SLC7A10: variants seen among roughly 807,000 people sequenced by gnomAD.
SLC7A10 encodes asc-type amino acid transporter 1.
SLC7A10 carries 30 observed loss-of-function variants against 52.7 expected under a neutral mutation model. That is an observed-to-expected ratio of 0.57 (90% CI 0.43 to 0.77). SLC7A10 has a LOEUF of 0.77. Ranked by LOEUF, SLC7A10 falls within the 30% of genes least tolerant of loss-of-function variation. The probability of loss-of-function intolerance (pLI) is 0.00; values close to 1 mark genes in which losing one functional copy is unlikely to be tolerated. For synonymous variants in SLC7A10, 318 were observed against 314.9 expected (o/e 1.01, Z -0.10); for missense variants, 581 against 698.5 (o/e 0.83, Z 1.90).
At position 33,210,409 on chromosome 19, in the gene SLC7A10, G is replaced by A; in HGVS notation, c.1263+58C>T. ...CCCACCTGCCCCTGGTGCCCACTGT[G>A]GATGCAGGGGTGGCTCTGGCAGCAC... On this transcript the variant is annotated intron_variant, in intron 9 of 10. Transcript: ENST00000253188. This position sits in a 1 kb window ranked among gnomAD's most constrained non-coding sequence, Gnocchi z 5.6. 6.5e-7 allele frequency: 1 copy of A among 1,536,372 alleles called. No individual in the cohort carries two copies. The highest frequency in any genetic ancestry group is 8.7e-7 in the Non-Finnish European group (1 of 1,146,114).
At chr19:33,212,473 A>G in intron 4 of SLC7A10, 28 bp from the exon 5 acceptor site, 1 of 1,613,890 alleles carries the variant, frequency 6.2e-7, no homozygotes, top group Non-Finnish European at 8.5e-7. Context: ...GGGGGTCAGC[A>G]CCATCTCCCC....
chr19:33,208,988 A>G lies in SLC7A10; in HGVS notation c.1475T>C (p.Phe492Ser). 1 of 1,613,844 alleles carries G rather than the reference A, an allele frequency of 6.2e-7. No individual in the cohort carries two copies. Among genetic ancestry groups the G allele is most frequent in the South Asian group, 1.1e-5 (1 of 91,068 alleles). Reference sequence around the variant, plus strand: ...GGGGGCGTCCTGGGGGTAGACCACGAAACACAGCTCCTGGCCCCAGTGTGT... The same window carrying G: ...GGGGGCGTCCTGGGGGTAGACCACGGAACACAGCTCCTGGCCCCAGTGTGT... Reference protein sequence around the residue: ...SMTHWGQELCFVVYPQDAPEE... With the variant: ...SMTHWGQELCSVVYPQDAPEE... Residue 492 changes from phenylalanine to serine, a missense_variant, in exon 11 of 11, where the codon TTC becomes TCC. Phe to Ser is a radical substitution (Grantham distance 155). Transcript: ENST00000253188. This position sits in a 1 kb window ranked among gnomAD's most constrained non-coding sequence, Gnocchi z 4.7.
chr19:33,225,348 C>T (rs550369806), intron 1 of SLC7A10, among the ~76,000 whole-genome samples: 2 of 152,354 alleles, frequency 1.3e-5, no homozygotes, highest in Non-Finnish European at 2.9e-5. Context: ...CAGGTGCAGG[C>T]GGCCGGGAGG....
At position 33,212,523 on chromosome 19, in the gene SLC7A10, T is replaced by C; in HGVS notation, c.625A>G (p.Ile209Val). 1 of 1,613,968 alleles carries C rather than the reference T, an allele frequency of 6.2e-7. No homozygotes were observed. The highest frequency in any genetic ancestry group is 1.1e-5 in the South Asian group (1 of 91,080). ...CCCGACTCGGCCCTACCTTGGAAGA[T>C]CTGGAGAAGGCCCACGCCGATGATG... is the stretch of plus-strand genomic sequence containing the variant. ...SLIIGVGLLQ[I>V]FQGHFEELRP... The change falls in exon 4 of 11, where the codon ATC (isoleucine) becomes GTC (valine). Residue 209 changes from isoleucine (I) to valine (V), a missense_variant. Physicochemically the swap from Ile to Val is conservative, Grantham distance 29 (BLOSUM62 3). Coordinates refer to ENST00000253188, the MANE Select transcript of SLC7A10 (RefSeq NM_019849.3).
intron 10 of SLC7A10, 50 bp downstream of exon 10, chr19:33,209,258 C>T (rs778068178): frequency 1.2e-6 from 2 of 1,610,930 alleles, no homozygotes; most frequent in Non-Finnish European, 1.7e-6. Context: ...GAGGTCTGGT[C>T]TCCAGGCCCC....
In SLC7A10 at chr19:33,212,329, G is replaced by A; in HGVS notation, c.751C>T (p.Leu251Phe). 1 of 1,613,124 alleles carries A rather than the reference G, an allele frequency of 6.2e-7. No individual in the cohort carries two copies. Among genetic ancestry groups the A allele is most frequent in the African/African-American group, 1.3e-5 (1 of 75,064 alleles). ...ACCATCTCCTCGGTGACATAGTTGAGGAAGTTCCAGCCACTGAAGGCGAAG... is the reference window on the plus strand; with the variant it reads ...ACCATCTCCTCGGTGACATAGTTGAAGAAGTTCCAGCCACTGAAGGCGAAG... The part of the protein sequence containing the change: ...GSFAFSGWNF[L>F]NYVTEEMVDA... The change falls in exon 5 of 11, where the codon CTC becomes TTC. Residue 251 changes from leucine (L) to phenylalanine (F), a missense_variant. Physicochemically the swap from Leu to Phe is conservative, Grantham distance 22. Coordinates refer to ENST00000253188, the MANE Select transcript of SLC7A10 (RefSeq NM_019849.3).
chr19:33,222,489 A>G (rs908031433), intron 1 of SLC7A10, among the ~76,000 whole-genome samples: 5 of 149,794 alleles, frequency 3.3e-5, no homozygotes, highest in Non-Finnish European at 5.9e-5. Flanking sequence ...AAAATAAAAT[A>G]AAATAAAATA....
chr19:33,225,665 G>A lies in SLC7A10; in HGVS notation c.39C>T (p.Asn13=). 3.2e-6 allele frequency: 5 copies of A among 1,568,134 alleles called. No individual in the cohort carries two copies. The highest frequency in any genetic ancestry group is 4.3e-6 in the Non-Finnish European group (5 of 1,167,308). Residue 13 remains asparagine, a synonymous_variant, in exon 1 of 11, where the codon AAC becomes AAT. Transcript: ENST00000253188. The stretch of plus-strand genomic sequence containing the variant: ...GGGAGGGCGAGGGCGCAGGCCTGGG[G>A]TTCCCGCGCCCGCTCGGCTGCTGCG... ...GHTQQPSGRG[N]PRPAPSPSPV...
At chr19:33,215,642 T>A in intron 2 of SLC7A10, 127 bp downstream of exon 2, 20 of 486,762 alleles carry the variant, frequency 4.1e-5, no homozygotes, top group South Asian at 7.7e-5. Context: ...CCCCCACACC[T>A]TCTCTCCATC....
chr19:33,211,526 C>G lies in SLC7A10; in HGVS notation c.800G>C (p.Arg267Pro), dbSNP rs140327934. The G allele has an allele frequency of 1.9e-6, 3 of 1,614,080 alleles. No homozygotes were observed. The highest frequency in any genetic ancestry group is 2.5e-6 in the Non-Finnish European group (3 of 1,180,020). Reference protein sequence around the residue: ...EMVDARKNLPRAIFISIPLVT... With the variant: ...EMVDARKNLPPAIFISIPLVT... ...CAGTGGGATGGAGATGAAGATGGCG[C>G]GAGGTAGGTTCCTGGTGACAGGCAG... is the stretch of plus-strand genomic sequence containing the variant. Residue 267 changes from arginine to proline, a missense_variant, in exon 6 of 11, where the codon CGC becomes CCC. Arg to Pro is a moderately radical substitution (Grantham distance 103, BLOSUM62 -2). Coordinates refer to ENST00000253188, the MANE Select transcript of SLC7A10 (RefSeq NM_019849.3).
At chr19:33,212,030 A>C in intron 5 of SLC7A10, 1 of 582,478 alleles carries the variant, frequency 1.7e-6, no homozygotes, top group Middle Eastern at 4.5e-4. Context: ...AAATCTCTGG[A>C]TCTATTTACA....
chr19:33,216,326 A>G (rs1005582577), intron 1 of SLC7A10, among the ~76,000 whole-genome samples: 2 of 152,184 alleles, frequency 1.3e-5, no homozygotes, highest in African/African-American at 2.4e-5. Flanking sequence ...GAGCGACGGC[A>G]GACGGTGGCT....
Position 33,210,513 on chromosome 19 carries a change from A to G in SLC7A10, c.1217T>C (p.Leu406Pro), listed in dbSNP as rs1159267358. The G allele has an allele frequency of 6.2e-7, 1 of 1,609,676 alleles. No individual in the cohort carries two copies. The highest frequency in any genetic ancestry group is 8.5e-7 in the Non-Finnish European group (1 of 1,179,758). Residue 406 changes from leucine (L) to proline (P), a missense_variant, in exon 9 of 11, where the codon CTG becomes CCG. Transcript: ENST00000253188. The surrounding 1 kb of genome is among the most constrained non-coding windows in gnomAD (Gnocchi z 5.6). ...YLCYGVTILG[L>P]LLLRWRRPAL... Reference sequence around the variant, plus strand: ...AGGCCGCCTCCAGCGCAGCAGCAGCAGGCCCAGGATGGTGACGCCGTAGCA... The same window carrying G: ...AGGCCGCCTCCAGCGCAGCAGCAGCGGGCCCAGGATGGTGACGCCGTAGCA...
intron 1 of SLC7A10, among the ~76,000 whole-genome samples, chr19:33,225,063 C>T (rs548831536): frequency 1.1e-4 from 16 of 152,378 alleles, no homozygotes; most frequent in Admixed American, 1.0e-3. Context: ...CTCATAGGCC[C>T]TCCTGCTTTC....
At chr19:33,212,101 C>CGG (rs1974566364) in intron 5 of SLC7A10, 191 bp downstream of exon 5, 1 of 746,056 alleles carries the variant, frequency 1.3e-6, no homozygotes, top group Admixed American at 2.6e-5. Context: ...TGTCCATAGC[C>CGG]AGAGAGAACA....
intron 1 of SLC7A10, among the ~76,000 whole-genome samples, chr19:33,224,457 C>A (rs970446648): frequency 6.6e-6 from 1 of 152,096 alleles, no homozygotes; most frequent in Non-Finnish European, 1.5e-5. Context: ...TGAAGAGCTG[C>A]TAATGTGGGG....
chr19:33,222,938 G>C (rs1974844035), intron 1 of SLC7A10, among the ~76,000 whole-genome samples: 2 of 152,176 alleles, frequency 1.3e-5, no homozygotes. Flanking sequence ...AGAGTGACAG[G>C]ATCTCCTAGG....
rs1488789914 is a variant in SLC7A10, at chr19:33,212,951, A to G, written c.408T>C (p.Ala136=). ...AVLIMYPTSL[A]VISMTFSNYV... ...AGTTGGAGAAGGTCATGGAGATGAC[A>G]GCAAGGCTGGTGGGGTACATGATGA... Residue 136 remains alanine, a synonymous_variant, in exon 3 of 11, where the codon GCT becomes GCC. Coordinates refer to ENST00000253188, the MANE Select transcript of SLC7A10 (RefSeq NM_019849.3). 1 of 1,614,132 alleles carries G rather than the reference A, an allele frequency of 6.2e-7. No individual in the cohort carries two copies. The highest frequency in any genetic ancestry group is 2.2e-5 in the East Asian group (1 of 44,882).
chr19:33,211,862 C>T (rs1265026771), intron 5 of SLC7A10: 2 of 483,378 alleles, frequency 4.1e-6, no homozygotes, highest in Non-Finnish European at 7.6e-6. Flanking sequence ...CCCCAGAGCC[C>T]AGTCCACAGA....
Sources: allele counts gnomAD v4.1 joint callset (sites outside exome capture counted in the v4.1 genomes callset), GRCh38; gene constraint gnomAD v4.1.1; non-coding constraint Gnocchi (gnomAD v3.1); transcripts MANE v1.5; gene names NCBI Gene and HGNC (gene_info 2026-07-23, HGNC 2026-07-21).